The following HIPK3 variants were observed in gnomAD, a reference collection of about 807,000 sequenced individuals.
The protein encoded by HIPK3 is homeodomain interacting protein kinase 3, also known as homeodomain-interacting protein kinase 3.
HIPK3 carries 47 observed loss-of-function variants against 124.2 expected under a neutral mutation model. The observed-to-expected ratio is 0.38, with a 90% CI of 0.30 to 0.48. The LOEUF (loss-of-function observed/expected upper bound fraction) is 0.48, where lower values mean the gene tolerates loss of function less well. Among genes scored for constraint, HIPK3 ranks in the 20% least tolerant of loss-of-function variants. HIPK3 has a pLI of 0.98. For synonymous variants in HIPK3, 482 were observed against 515.2 expected (o/e 0.94, Z 0.87); for missense variants, 1,286 against 1,454.3 (o/e 0.88, Z 1.88).
At chr11:33,309,770 T>A (rs937324420) in intron 2 of HIPK3, among the ~76,000 whole-genome samples, 7 of 152,224 alleles carry the variant, frequency 4.6e-5, no homozygotes, top group African/African-American at 1.7e-4. Flanking sequence ...CAAAGTAAGT[T>A]ATAGATACCA....
intron 10 of HIPK3, 42 bp from the exon 11 acceptor site, chr11:33,347,810 G>C (rs774655411): frequency 1.2e-6 from 2 of 1,612,668 alleles, no homozygotes; most frequent in African/African-American, 1.3e-5. Context: ...CTTGATTAAA[G>C]AAAGATCTTG....
chr11:33,347,240 G>A, intron 8 of HIPK3, 53 bp from the exon 9 acceptor site: 1 of 1,509,844 alleles, frequency 6.6e-7, no homozygotes, highest in South Asian at 1.2e-5. Context: ...AATTGTATAA[G>A]TTAAATAAGA....
intron 2 of HIPK3, among the ~76,000 whole-genome samples, chr11:33,288,917 G>C (rs1015573309): frequency 6.6e-5 from 10 of 152,140 alleles, no homozygotes; most frequent in Non-Finnish European, 1.3e-4. Context: ...TGTTAGAAAT[G>C]GTTAGAACAT....
rs192080128 is a variant in HIPK3 at position 33,257,515 on chromosome 11, A to G, written c.-377A>G. 13,677 of 985,656 alleles carry G rather than the reference A, an allele frequency of 0.014. 117 individuals are homozygous for G. The highest frequency in any genetic ancestry group is 0.015 in the Non-Finnish European group (12,595 of 830,232). 61.1% of individuals were successfully genotyped at this position (985,656 alleles called of 1,614,324 possible). A position where few individuals can be genotyped will look rare whatever the true frequency, so the allele number is the denominator to read the frequency against. ...GCCGGGGCGTCAGGAATGGGCCCCAATCGCCGTGGGCCCCGCACCCTGCGT... is the reference window on the plus strand; with the variant it reads ...GCCGGGGCGTCAGGAATGGGCCCCAGTCGCCGTGGGCCCCGCACCCTGCGT... On this transcript the variant is annotated 5_prime_UTR_variant, in exon 1 of 17. Transcript: ENST00000303296.
At chr11:33,317,061 C>G (rs1565082302) in intron 2 of HIPK3, among the ~76,000 whole-genome samples, 1 of 151,548 alleles carries the variant, frequency 6.6e-6, no homozygotes, top group Non-Finnish European at 1.5e-5. Flanking sequence ...ACCTCCGCCT[C>G]CTAGGTTCAA....
rs565154503 is a variant in HIPK3, at chr11:33,309,264, T to A, written c.1098-19246T>A. ...TTTATGCAAATGGAGGATTAGAACT[T>A]GCTCCCTTCTTCCCTCCTTCCCTCC... On this transcript the variant is annotated intron_variant, in intron 2 of 16. Coordinates refer to ENST00000303296, the MANE Select transcript of HIPK3 (RefSeq NM_005734.5). Among the ~76,000 whole-genome samples the A allele has an allele frequency of 8.2e-4, 125 of 152,274 alleles. 1 individual carries two copies. The highest frequency in any genetic ancestry group is 2.9e-3 in the African/African-American group (120 of 41,574).
At chr11:33,338,173 G>T (rs1429900796) in intron 4 of HIPK3, among the ~76,000 whole-genome samples, 1 of 152,138 alleles carries the variant, frequency 6.6e-6, no homozygotes, top group Non-Finnish European at 1.5e-5. Context: ...CATATCCCAA[G>T]TGTGCTAGGA....
upstream of HIPK3, chr11:33,257,324 C>T (rs1850690747): frequency 2.0e-6 from 2 of 983,720 alleles, no homozygotes; most frequent in Admixed American, 6.2e-5. Context: ...GGTGGCGCTG[C>T]GGAGGCGGTG....
chr11:33,257,551 C>T lies in HIPK3; in HGVS notation c.-341C>T, dbSNP rs945769846. On this transcript the variant is annotated 5_prime_UTR_variant, in exon 1 of 17. Transcript: ENST00000303296. ...CCCCGCACCCTGCGTCGCCCGTAGG[C>T]CCCAGTAGCCGGAGGCCGACCGGCC... is the stretch of plus-strand genomic sequence containing the variant. The T allele has an allele frequency of 5.1e-6, 5 of 985,684 alleles. No homozygotes were observed. Among genetic ancestry groups the T allele is most frequent in the Non-Finnish European group, 6.0e-6 (5 of 830,076 alleles). The allele number at this position is 985,684 out of a possible 1,614,324, so 61.1% of individuals were successfully genotyped here.
chr11:33,261,279 A>C (rs557835177), intron 1 of HIPK3, among the ~76,000 whole-genome samples: 1 of 151,192 alleles, frequency 6.6e-6, no homozygotes, highest in East Asian at 1.9e-4. Context: ...AACTTGTGTC[A>C]TGTGTGTTTG....
In HIPK3 at chr11:33,354,374, A is replaced by G. The variant is rs548988754; in HGVS notation, c.*806A>G. On this transcript the variant is annotated 3_prime_UTR_variant, in exon 17 of 17. Transcript: ENST00000303296. ...AAAAGCAAGCAGTTAGTAGTGCTTAAGAAAAATTGATTCAGTATCTAATGG... is the reference window on the plus strand; with the variant it reads ...AAAAGCAAGCAGTTAGTAGTGCTTAGGAAAAATTGATTCAGTATCTAATGG... 33 of 152,772 alleles carry G rather than the reference A, an allele frequency of 2.2e-4. No homozygotes were observed. The highest frequency in any genetic ancestry group is 7.9e-4 in the African/African-American group (33 of 41,586). 9.5% of individuals were successfully genotyped at this position (152,772 alleles called of 1,614,324 possible).
At chr11:33,310,250 G>T (rs1434112174) in intron 2 of HIPK3, among the ~76,000 whole-genome samples, 1 of 145,084 alleles carries the variant, frequency 6.9e-6, no homozygotes, top group Non-Finnish European at 1.5e-5. Context: ...CTGTCTGTCT[G>T]TCTGTCTGTC....
rs990671535 is a variant in HIPK3 at position 33,349,274 on chromosome 11, A to C, written c.2794A>C (p.Lys932Gln). The change falls in exon 14 of 17, where the codon AAG becomes CAG. Residue 932 changes from lysine (K) to glutamine (Q), a missense_variant. Lys to Gln is a moderately conservative substitution (Grantham distance 53). Transcript: ENST00000303296. ...AGGGCAGTCCAGCCCATCCCCCTGC[A>C]AGAGACCGAATAGGTAAAAGAATCT... The part of the protein sequence containing the change: ...SSGQSSPSPC[K>Q]RPNSMSDEEQ... 1 of 1,612,170 alleles carries C rather than the reference A, an allele frequency of 6.2e-7. No individual in the cohort carries two copies. Among genetic ancestry groups the C allele is most frequent in the Non-Finnish European group, 8.5e-7 (1 of 1,179,304 alleles).
At chr11:33,313,005 C>T (rs1013595751) in intron 2 of HIPK3, among the ~76,000 whole-genome samples, 1 of 152,256 alleles carries the variant, frequency 6.6e-6, no homozygotes, top group Admixed American at 6.5e-5. Flanking sequence ...TATACCAGCA[C>T]ATAACAATTG....
chr11:33,344,914 A>G (rs1853448375), intron 8 of HIPK3, among the ~76,000 whole-genome samples: 1 of 152,114 alleles, frequency 6.6e-6, no homozygotes, highest in Non-Finnish European at 1.5e-5. Flanking sequence ...CCCTTCATTT[A>G]CCCTTTCCCT....
At chr11:33,349,104 T>C in intron 13 of HIPK3, 43 bp from the exon 14 acceptor site, 1 of 1,583,410 alleles carries the variant, frequency 6.3e-7, no homozygotes, top group South Asian at 1.1e-5. Flanking sequence ...GGAGAGTATC[T>C]TCTTGTATTT....
At chr11:33,266,740 C>T (rs1424218839) in intron 1 of HIPK3, among the ~76,000 whole-genome samples, 1 of 152,008 alleles carries the variant, frequency 6.6e-6, no homozygotes, top group Non-Finnish European at 1.5e-5. Context: ...AACCAAAAAA[C>T]CCTAATTTTT....
chr11:33,262,907 T>G (rs1284765356), intron 1 of HIPK3, among the ~76,000 whole-genome samples: 1 of 152,168 alleles, frequency 6.6e-6, no homozygotes, highest in Non-Finnish European at 1.5e-5. Flanking sequence ...AGCCTCAACC[T>G]CCTGAGCTCA....
chr11:33,311,999 A>G (rs1852363998), intron 2 of HIPK3, among the ~76,000 whole-genome samples: 1 of 71,548 alleles, frequency 1.4e-5, no homozygotes, highest in African/African-American at 4.6e-5. Context: ...CACACACACC[A>G]CGAAAAAATA....
Sources: allele counts gnomAD v4.1 joint callset (sites outside exome capture counted in the v4.1 genomes callset), GRCh38; gene constraint gnomAD v4.1.1; transcripts MANE v1.5; gene names NCBI Gene and HGNC (gene_info 2026-07-23, HGNC 2026-07-21).